Variants in MTAP observed in about 807,000 individuals in gnomAD.
MTAP encodes S-methyl-5'-thioadenosine phosphorylase.
MTAP carries 33 observed loss-of-function variants against 33.6 expected under a neutral mutation model. That is an observed-to-expected ratio of 0.98 (90% CI 0.74 to 1.31). The LOEUF (loss-of-function observed/expected upper bound fraction) is 1.31, where lower values mean the gene tolerates loss of function less well. Ranked by LOEUF, MTAP falls within the 40% of genes most tolerant of loss-of-function variation. The probability of loss-of-function intolerance (pLI) is 0.00; values close to 1 mark genes in which losing one functional copy is unlikely to be tolerated. For synonymous variants in MTAP, 148 were observed against 125.7 expected, an observed-to-expected ratio of 1.18 and a Z score of -1.19; for missense variants, 367 against 360.0, an observed-to-expected ratio of 1.02 and a Z score of -0.16.
chr9:21,802,863 G>A lies in MTAP; in HGVS notation c.33+82G>A, dbSNP rs757553844. The A allele has an allele frequency of 3.8e-6, 6 of 1,571,932 alleles. No individual in the cohort carries two copies. The Admixed American group carries it at 7.3e-5, about 19-fold the overall frequency. ...CGCGCCGGGGGACCGCGCCTCCGGG[G>A]GCCATGCGCCCGGCCCGTGCGTCCC... On this transcript the variant is annotated intron_variant, in intron 1 of 7. Transcript: ENST00000644715.
exon 8 of MTAP, chr9:21,937,345 A>AT (rs1454520318): frequency 6.6e-6 from 1 of 152,202 alleles, no homozygotes; most frequent in Non-Finnish European, 1.5e-5. Context: ...CTCAAAAAAA[A>AT]AAAGAGTCTT....
At chr9:21,893,593 A>G (rs1485618967) in intron 1 of MTAP, 5 of 152,252 alleles carry the variant, frequency 3.3e-5, no homozygotes, top group Admixed American at 6.5e-5. Context: ...ACAGAAATAT[A>G]AAAAACCCTC....
At chr9:21,840,338 C>A (rs1483913606) in intron 5 of MTAP, among the ~76,000 whole-genome samples, 1 of 152,116 alleles carries the variant, frequency 6.6e-6, no homozygotes, top group Non-Finnish European at 1.5e-5. Context: ...TAGGAACTTA[C>A]CGGGAAAACC....
At chr9:21,902,887 A>G (rs1345459814) in intron 1 of MTAP, among the ~76,000 whole-genome samples, 1 of 152,268 alleles carries the variant, frequency 6.6e-6, no homozygotes, top group African/African-American at 2.4e-5. Context: ...GAACAGAAAT[A>G]TCAACACATT....
intron 1 of MTAP, chr9:21,811,804 C>T: frequency 1.9e-6 from 1 of 518,660 alleles, no homozygotes; most frequent in Non-Finnish European, 3.9e-6. Context: ...CTGTGAACTG[C>T]TCTGAGATGC....
downstream of MTAP, chr9:21,931,616 CAT>C (rs1340878788): frequency 6.4e-6 from 1 of 156,196 alleles, no homozygotes; most frequent in Non-Finnish European, 1.4e-5. Flanking sequence ...TCTAAAAACA[CAT>C]GACTCATGCA....
At chr9:21,875,018 T>A (rs558134853) in intron 1 of MTAP, among the ~76,000 whole-genome samples, 2 of 152,326 alleles carry the variant, frequency 1.3e-5, no homozygotes, top group South Asian at 4.1e-4. Context: ...CATCCTTTTT[T>A]ATGGCTGCAT....
At chr9:21,810,723 G>A (rs1034252711) in intron 1 of MTAP, among the ~76,000 whole-genome samples, 12 of 152,116 alleles carry the variant, frequency 7.9e-5, no homozygotes, top group Admixed American at 7.9e-4. Flanking sequence ...CTTTAAAAAC[G>A]GCAAATACAG....
chr9:21,805,723 AT>A (rs1824192082), intron 1 of MTAP, among the ~76,000 whole-genome samples: 1 of 152,214 alleles, frequency 6.6e-6, no homozygotes, highest in South Asian at 2.1e-4. Flanking sequence ...GACACCATCT[AT>A]GAGCCAAAAC....
chr9:21,815,412 CTCTG>C lies in MTAP; in HGVS notation c.34-17_34-14del. ...AAAAATTACCAAATACAATAATCTT[CTCTG>C]TCTTTTTCTCTCTTAGATTGGAATA... On this transcript the variant is annotated splice_polypyrimidine_tract_variant and intron_variant, in intron 1 of 7. Coordinates refer to ENST00000644715, the MANE Select transcript of MTAP (RefSeq NM_002451.4). The C allele has an allele frequency of 6.7e-7, 1 of 1,489,656 alleles. No homozygotes were observed. The highest frequency in any genetic ancestry group is 9.2e-7 in the Non-Finnish European group (1 of 1,083,006). 92.3% of individuals were successfully genotyped at this position (1,489,656 alleles called of 1,614,324 possible).
rs993069091 is a variant in MTAP, at chr9:21,864,669, G to A, written c.*2655G>A. Reference sequence around the variant, plus strand: ...GAGTTGCTGTGCAGGGCTGGAGGTAGCTACCATGGCTTGTTTCAAGGAAGG... The same window carrying A: ...GAGTTGCTGTGCAGGGCTGGAGGTAACTACCATGGCTTGTTTCAAGGAAGG... On this transcript the variant is annotated 3_prime_UTR_variant, in exon 8 of 8. Transcript: ENST00000644715. The A allele has an allele frequency of 1.0e-6, 1 of 985,406 alleles. No individual in the cohort carries two copies. The highest frequency in any genetic ancestry group is 1.7e-5 in the African/African-American group (1 of 57,230). The allele number at this position is 985,406 out of a possible 1,614,324, so 61.0% of individuals were successfully genotyped here.
intron 6 of MTAP, among the ~76,000 whole-genome samples, chr9:21,857,491 T>C (rs1480224484): frequency 6.6e-6 from 1 of 152,196 alleles, no homozygotes; most frequent in Non-Finnish European, 1.5e-5. Context: ...TGTCCCTGAA[T>C]GCTGGATTTC....
At chr9:21,834,785 C>T (rs534182519) in intron 4 of MTAP, among the ~76,000 whole-genome samples, 1 of 152,284 alleles carries the variant, frequency 6.6e-6, no homozygotes, top group East Asian at 1.9e-4. Context: ...TCCCCTTTGC[C>T]ATCTAAAGTA....
intron 1 of MTAP, chr9:21,892,123 G>A (rs1818211027): frequency 6.6e-6 from 1 of 152,146 alleles, no homozygotes; most frequent in South Asian, 2.1e-4. Flanking sequence ...TAAAGGAAGT[G>A]CTAAATGCAG....
rs1464889431 is a variant in MTAP at position 21,922,795 on chromosome 9, C to G, written c.148-8213C>G. Among the ~76,000 whole-genome samples the G allele has an allele frequency of 1.3e-5, 2 of 152,154 alleles. No homozygotes were observed. Among genetic ancestry groups the G allele is most frequent in the Non-Finnish European group, 2.9e-5 (2 of 68,028 alleles). ...GGCTGATCTCTCAGCTTACCCTGAC[C>G]GGTGGCTTACAGGGGTAGGAAGGAC... On this transcript the variant is annotated intron_variant, in intron 1 of 1. Coordinates refer to the MTAP transcript ENST00000577563. The surrounding 1 kb of genome is among the most constrained non-coding windows in gnomAD (Gnocchi z 4.8).
At chr9:21,924,948 C>T (rs754796401) in intron 1 of MTAP, among the ~76,000 whole-genome samples, 2 of 152,228 alleles carry the variant, frequency 1.3e-5, no homozygotes, top group Non-Finnish European at 2.9e-5. Context: ...ATCTCTCAGT[C>T]ATACTGGGAC....
At chr9:21,913,950 C>G (rs1288145661) in intron 1 of MTAP, among the ~76,000 whole-genome samples, 3 of 152,114 alleles carry the variant, frequency 2.0e-5, no homozygotes, top group African/African-American at 7.2e-5. Context: ...ATCGAACAAC[C>G]CCATCAAAAA....
intron 7 of MTAP, chr9:21,861,703 G>C (rs1022067863): frequency 8.9e-6 from 4 of 446,958 alleles, no homozygotes; most frequent in African/African-American, 8.0e-5. Context: ...CTGGGGGCTG[G>C]TATGGCAATA....
intron 4 of MTAP, among the ~76,000 whole-genome samples, chr9:21,828,850 A>G (rs1346072894): frequency 5.9e-5 from 9 of 152,210 alleles, no homozygotes; most frequent in Admixed American, 1.3e-4. Context: ...TTTTAAAACT[A>G]TGTAGGTGGC....
Sources: allele counts gnomAD v4.1 joint callset (sites outside exome capture counted in the v4.1 genomes callset), GRCh38; gene constraint gnomAD v4.1.1; non-coding constraint Gnocchi (gnomAD v3.1); transcripts MANE v1.5; gene names NCBI Gene and HGNC (gene_info 2026-07-23, HGNC 2026-07-21).